The following MTDH variants were observed in gnomAD, a reference collection of about 807,000 sequenced individuals.
The protein encoded by MTDH is protein LYRIC.
A neutral mutation model predicts 72.7 loss-of-function variants in MTDH; 34 were observed. The ratio of observed to expected loss-of-function variants is 0.47; its 90% CI spans 0.36 to 0.62. MTDH has a LOEUF of 0.62. Among genes scored for constraint, MTDH ranks in the 20% least tolerant of loss-of-function variants. The pLI, the probability that MTDH is intolerant of heterozygous loss-of-function variation, is 0.00. For missense variants in MTDH, 677 were observed against 699.4 expected, an observed-to-expected ratio of 0.97 and a Z score of 0.36; for synonymous variants, 266 against 268.9, an observed-to-expected ratio of 0.99 and a Z score of 0.10.
intron 10 of MTDH, among the ~76,000 whole-genome samples, chr8:97,722,036 T>C (rs1815149292): frequency 6.6e-6 from 1 of 152,218 alleles, no homozygotes; most frequent in Admixed American, 6.5e-5. Flanking sequence ...ATTTTCCTTC[T>C]GTTTTTCACA....
intron 2 of MTDH, among the ~76,000 whole-genome samples, chr8:97,679,910 T>C (rs1369629237): frequency 6.6e-6 from 1 of 152,224 alleles, no homozygotes; most frequent in African/African-American, 2.4e-5. Flanking sequence ...TATTTACTTA[T>C]TTTGAGTAAC....
chr8:97,725,038 A>C lies in MTDH; in HGVS notation c.*368A>C, dbSNP rs1238436299. On this transcript the variant is annotated 3_prime_UTR_variant, in exon 12 of 12. Transcript: ENST00000336273. ...TTAGAAAGAGGGTTGCCTACAGATTAGTAAGCAATTCCTTGGATCTTATGC... is the reference window on the plus strand; with the variant it reads ...TTAGAAAGAGGGTTGCCTACAGATTCGTAAGCAATTCCTTGGATCTTATGC... 9 of 159,270 alleles carry C rather than the reference A, an allele frequency of 5.7e-5. No individual in the cohort carries two copies. Among genetic ancestry groups the C allele is most frequent in the Admixed American group, 5.0e-4 (8 of 15,962 alleles). The allele number at this position is 159,270 out of a possible 1,614,324, so 9.9% of individuals were successfully genotyped here.
At chr8:97,679,651 T>C (rs1812991745) in intron 2 of MTDH, among the ~76,000 whole-genome samples, 1 of 152,248 alleles carries the variant, frequency 6.6e-6, no homozygotes, top group East Asian at 1.9e-4. Context: ...GATATTGCTA[T>C]CACTAAAAAT....
intron 1 of MTDH, among the ~76,000 whole-genome samples, chr8:97,659,814 A>C (rs1812111384): frequency 6.6e-6 from 1 of 152,240 alleles, no homozygotes; most frequent in Non-Finnish European, 1.5e-5. Context: ...CCTAGGCCCC[A>C]TTCTCCAAAC....
At chr8:97,674,023 G>A (rs1812742971) in intron 2 of MTDH, among the ~76,000 whole-genome samples, 2 of 152,140 alleles carry the variant, frequency 1.3e-5, no homozygotes, top group South Asian at 2.1e-4. Context: ...AGGCATGGTG[G>A]CATGCACCTG....
At chr8:97,695,564 A>G (rs988882118) in intron 6 of MTDH, among the ~76,000 whole-genome samples, 3 of 152,234 alleles carry the variant, frequency 2.0e-5, no homozygotes, top group African/African-American at 7.2e-5. Flanking sequence ...AGGGAACTAT[A>G]TTAAATTAGA....
At chr8:97,645,172 G>A (rs1369489896) in intron 1 of MTDH, among the ~76,000 whole-genome samples, 1 of 152,192 alleles carries the variant, frequency 6.6e-6, no homozygotes, top group African/African-American at 2.4e-5. Flanking sequence ...CCATCTTTGG[G>A]AACCGTCACC....
chr8:97,690,449 C>T (rs536533700), intron 5 of MTDH, among the ~76,000 whole-genome samples: 35 of 152,280 alleles, frequency 2.3e-4, no homozygotes, highest in South Asian at 4.1e-4. Context: ...TATACACACA[C>T]CTATGTGTAT....
At chr8:97,673,679 G>T (rs1275786702) in intron 2 of MTDH, among the ~76,000 whole-genome samples, 1 of 148,996 alleles carries the variant, frequency 6.7e-6, no homozygotes, top group African/African-American at 2.5e-5. Context: ...CGGGGAAGGG[G>T]GGGCACAGGA....
At chr8:97,700,341 T>A (rs1423051945) in intron 7 of MTDH, among the ~76,000 whole-genome samples, 5 of 152,192 alleles carry the variant, frequency 3.3e-5, no homozygotes, top group Non-Finnish European at 4.4e-5. Context: ...AAAAAAAAAA[T>A]TATGAGTTTT....
At chr8:97,698,755 T>C (rs1813978107) in intron 6 of MTDH, among the ~76,000 whole-genome samples, 1 of 152,250 alleles carries the variant, frequency 6.6e-6, no homozygotes, top group Non-Finnish European at 1.5e-5. Context: ...TACATAGCCC[T>C]GAAACATCCA....
At chr8:97,670,961 T>TG (rs1474091303) in intron 2 of MTDH, among the ~76,000 whole-genome samples, 1 of 137,082 alleles carries the variant, frequency 7.3e-6, no homozygotes, top group African/African-American at 2.7e-5. Flanking sequence ...TGTTTTTTTT[T>TG]TTTTTTTTTT....
At chr8:97,648,447 A>G (rs1281624697) in intron 1 of MTDH, among the ~76,000 whole-genome samples, 1 of 152,032 alleles carries the variant, frequency 6.6e-6, no homozygotes, top group Non-Finnish European at 1.5e-5. Flanking sequence ...TTGGCTTTGA[A>G]TTTCAACTGG....
intron 2 of MTDH, among the ~76,000 whole-genome samples, chr8:97,674,346 CTT>C: frequency 6.6e-6 from 1 of 152,224 alleles, no homozygotes; most frequent in Non-Finnish European, 1.5e-5. Flanking sequence ...CAATTGCAGA[CTT>C]TTCTACTCTT....
At chr8:97,675,888 T>C (rs1423298041) in intron 2 of MTDH, among the ~76,000 whole-genome samples, 1 of 151,464 alleles carries the variant, frequency 6.6e-6, no homozygotes. Context: ...AAAAAGAATT[T>C]ACATTTAGAA....
At chr8:97,663,970 A>T (rs1306189446) in intron 2 of MTDH, among the ~76,000 whole-genome samples, 8 of 152,120 alleles carry the variant, frequency 5.3e-5, no homozygotes, top group Admixed American at 5.2e-4. Context: ...TATTATTTCT[A>T]ATCCTCTCAG....
intron 2 of MTDH, among the ~76,000 whole-genome samples, chr8:97,679,309 T>A (rs1812975696): frequency 6.6e-6 from 1 of 152,040 alleles, no homozygotes; most frequent in Non-Finnish European, 1.5e-5. Flanking sequence ...ATCTCACCCA[T>A]GGTAATAACA....
rs1051715982 is a variant in MTDH at position 97,720,112 on chromosome 8, C to G, written c.1521+923C>G. 7.2e-5 allele frequency among the ~76,000 whole-genome samples: 11 copies of G among 152,090 alleles called. 1 individual carries two copies. The highest frequency in any genetic ancestry group is 2.7e-4 in the African/African-American group (11 of 41,422). On this transcript the variant is annotated intron_variant, in intron 10 of 11. Coordinates refer to ENST00000336273, the MANE Select transcript of MTDH (RefSeq NM_178812.4). ...CCAGCCTGGCCAAGATGGTGAAACC[C>G]TGTCTCTACTAAAAATACAAAAATT... is the stretch of plus-strand genomic sequence containing the variant.
At position 97,725,270 on chromosome 8, in the gene MTDH, T is replaced by G. The variant is rs958144608; in HGVS notation, c.*600T>G. The G allele has an allele frequency of 2.6e-5, 4 of 152,660 alleles. No homozygotes were observed. Among genetic ancestry groups the G allele is most frequent in the African/African-American group, 7.2e-5 (3 of 41,462 alleles). The allele number at this position is 152,660 out of a possible 1,614,324, so 9.5% of individuals were successfully genotyped here. A position where few individuals can be genotyped will look rare whatever the true frequency, so the allele number is the denominator to read the frequency against. On this transcript the variant is annotated 3_prime_UTR_variant, in exon 12 of 12. Coordinates refer to ENST00000336273, the MANE Select transcript of MTDH (RefSeq NM_178812.4). Reference sequence around the variant, plus strand: ...TAAAAAGTTCTTAAAATACTGAAAATGCAGTTGACACTTGTGTATGGCTTA... The same window carrying G: ...TAAAAAGTTCTTAAAATACTGAAAAGGCAGTTGACACTTGTGTATGGCTTA...
Sources: allele counts gnomAD v4.1 joint callset (sites outside exome capture counted in the v4.1 genomes callset), GRCh38; gene constraint gnomAD v4.1.1; transcripts MANE v1.5; gene names NCBI Gene and HGNC (gene_info 2026-07-23, HGNC 2026-07-21).